Variants in GPR161 observed in about 807,000 individuals in gnomAD.
The protein encoded by GPR161 is G-protein coupled receptor RE2.
GPR161 carries 25 observed loss-of-function variants against 39.2 expected under a neutral mutation model. The ratio of observed to expected loss-of-function variants is 0.64; its 90% confidence interval spans 0.47 to 0.89. The LOEUF is 0.89. GPR161 is among the 40% of genes least tolerant of loss of function. GPR161 has a pLI of 0.00. For synonymous variants in GPR161, 286 were observed against 276.6 expected (o/e 1.03, Z -0.34); for missense variants, 547 against 677.8 (o/e 0.81, Z 2.14).
intron 1 of GPR161, among the ~76,000 whole-genome samples, chr1:168,110,395 C>T (rs1236258628): frequency 6.7e-6 from 1 of 150,258 alleles, no homozygotes; most frequent in Non-Finnish European, 1.5e-5. Flanking sequence ...ACTTGGGAGG[C>T]TGAGGTTGGA....
chr1:168,131,887 T>C (rs912602690), intron 1 of GPR161, among the ~76,000 whole-genome samples: 2 of 152,156 alleles, frequency 1.3e-5, no homozygotes, highest in African/African-American at 4.8e-5. Context: ...GTTAAAAAAA[T>C]TGGCAAAGAA....
In GPR161 at chr1:168,096,612, C is replaced by CGAACTGTCTTGTTCCA; in HGVS notation, c.979_994dup (p.Arg332LeufsTer83). ...AAAGCACATGCCCAGTAGTTCTTTGCGAACTGTCTTGTTCCAGAGTCCATA... is the reference window on the plus strand; with the variant it reads ...AAAGCACATGCCCAGTAGTTCTTTGCGAACTGTCTTGTTCCAGAACTGTCTTGTTCCAGAGTCCATA... On this transcript the variant is annotated frameshift_variant, in exon 3 of 6. Coordinates refer to ENST00000682931, the MANE Select transcript of GPR161 (RefSeq NM_001375883.1). LOFTEE classifies it high-confidence loss of function. 1 of 1,614,184 alleles carries CGAACTGTCTTGTTCCA rather than the reference C, an allele frequency of 6.2e-7. No individual in the cohort carries two copies. Among genetic ancestry groups the CGAACTGTCTTGTTCCA allele is most frequent in the South Asian group, 1.1e-5 (1 of 91,070 alleles).
At chr1:168,134,326 AC>A (rs1377845772) in intron 1 of GPR161, among the ~76,000 whole-genome samples, 1 of 152,204 alleles carries the variant, frequency 6.6e-6, no homozygotes, top group African/African-American at 2.4e-5. Context: ...CCTGCTGAGC[AC>A]ATAAAATGTG....
chr1:168,111,931 G>A (rs1317342922), intron 1 of GPR161, among the ~76,000 whole-genome samples: 2 of 148,134 alleles, frequency 1.4e-5, no homozygotes, highest in Admixed American at 1.4e-4. Flanking sequence ...CACCTATAGA[G>A]TAACAGTGAG....
chr1:168,107,210 TA>T (rs35396383), intron 1 of GPR161, among the ~76,000 whole-genome samples: 4 of 150,858 alleles, frequency 2.7e-5, no homozygotes, highest in South Asian at 2.1e-4. Flanking sequence ...AAGAACTAGT[TA>T]AAAAAAAATC....
intron 1 of GPR161, among the ~76,000 whole-genome samples, chr1:168,119,520 G>A (rs969236244): frequency 2.0e-5 from 3 of 151,916 alleles, no homozygotes; most frequent in Non-Finnish European, 4.4e-5. Flanking sequence ...AGAATGGGGA[G>A]TTATAGTTTA....
intron 1 of GPR161, among the ~76,000 whole-genome samples, chr1:168,119,241 T>C (rs568992834): frequency 0.025 from 3,014 of 122,520 alleles, 447 homozygotes; most frequent in African/African-American, 0.096. Context: ...TATATATATA[T>C]ACACATATAT....
rs1325193078 is a variant in GPR161 at position 168,081,211 on chromosome 1, T to G, written c.*4320A>C. ...AAATCTCATTTTGGCTCCCTTAGAC[T>G]TCTCAAGTTCCAGATGCTACTTAGC... On this transcript the variant is annotated 3_prime_UTR_variant, in exon 6 of 6. Transcript: ENST00000682931. The G allele has an allele frequency of 6.6e-6, 1 of 152,146 alleles. No homozygotes were observed. Among genetic ancestry groups the G allele is most frequent in the Non-Finnish European group, 1.5e-5 (1 of 68,052 alleles). The allele number at this position is 152,146 out of a possible 1,614,324, so 9.4% of individuals were successfully genotyped here. A position where few individuals can be genotyped will look rare whatever the true frequency, so the allele number is the denominator to read the frequency against.
At chr1:168,133,126 C>T (rs1157473300) in intron 1 of GPR161, among the ~76,000 whole-genome samples, 1 of 151,930 alleles carries the variant, frequency 6.6e-6, no homozygotes, top group African/African-American at 2.4e-5. Flanking sequence ...TAGTTATACC[C>T]AAAAAAGGAA....
intron 1 of GPR161, 142 bp from the exon 2 acceptor site, chr1:168,105,036 C>T: frequency 1.6e-6 from 1 of 622,480 alleles, no homozygotes; most frequent in Non-Finnish European, 2.8e-6. Context: ...GGGTCTTCCC[C>T]ACGTAAGCGC....
chr1:168,131,052 G>C (rs955891662), intron 1 of GPR161, among the ~76,000 whole-genome samples: 1 of 152,152 alleles, frequency 6.6e-6, no homozygotes, highest in Admixed American at 6.5e-5. Flanking sequence ...GAGATAGTGT[G>C]TGTAAAGCAG....
chr1:168,100,043 A>G (rs759965225), intron 2 of GPR161, among the ~76,000 whole-genome samples: 1 of 151,956 alleles, frequency 6.6e-6, no homozygotes, highest in Non-Finnish European at 1.5e-5. Flanking sequence ...TCTACAAAAA[A>G]TAAAAAACAA....
chr1:168,104,889 G>A lies in GPR161; in HGVS notation c.-39C>T, dbSNP rs777130779. 6.2e-6 allele frequency: 10 copies of A among 1,603,692 alleles called. No individual in the cohort carries two copies. The South Asian group carries it at 8.8e-5, about 14-fold the overall frequency. On this transcript the variant is annotated 5_prime_UTR_variant, in exon 2 of 6. Coordinates refer to ENST00000682931, the MANE Select transcript of GPR161 (RefSeq NM_001375883.1). Reference sequence around the variant, plus strand: ...CGGCGTGGGGTGGGCAGAGCATGCTGGACGACTGGAAAGATAAGGCAGGAC... The same window carrying A: ...CGGCGTGGGGTGGGCAGAGCATGCTAGACGACTGGAAAGATAAGGCAGGAC...
At chr1:168,089,381 C>G (rs1490536258) in intron 4 of GPR161, 1 of 152,120 alleles carries the variant, frequency 6.6e-6, no homozygotes, top group Non-Finnish European at 1.5e-5. Flanking sequence ...TCTGGGTTGC[C>G]AGATAAGGAA....
chr1:168,135,955 C>T (rs1035866284), intron 1 of GPR161: 23 of 924,952 alleles, frequency 2.5e-5, no homozygotes, highest in Admixed American at 9.2e-5. Flanking sequence ...CAATGCGCAG[C>T]TATGTGGTTA....
chr1:168,129,762 C>G (rs1391397457), intron 1 of GPR161, among the ~76,000 whole-genome samples: 1 of 152,220 alleles, frequency 6.6e-6, no homozygotes, highest in Non-Finnish European at 1.5e-5. Context: ...GACCTAATTA[C>G]TGACAAAGCA....
At chr1:168,096,152 AAAAAAAAAG>A (rs1181322015) in intron 3 of GPR161, among the ~76,000 whole-genome samples, 5 of 150,814 alleles carry the variant, frequency 3.3e-5, no homozygotes, top group Non-Finnish European at 7.4e-5. Flanking sequence ...AAAAAAAAAA[AAAAAAAAAG>A]AGAGAGAGAA....
chr1:168,126,348 A>G (rs1698586571), intron 1 of GPR161, among the ~76,000 whole-genome samples: 1 of 152,126 alleles, frequency 6.6e-6, no homozygotes, highest in Non-Finnish European at 1.5e-5. Flanking sequence ...TTTCCAGAAA[A>G]TGCTACCTTT....
chr1:168,136,326 T>C (rs1295356649), intron 1 of GPR161: 2 of 1,485,008 alleles, frequency 1.3e-6, no homozygotes, highest in African/African-American at 1.4e-5. Flanking sequence ...GAGCGGGACG[T>C]GGAGTCTCTT....
Sources: allele counts gnomAD v4.1 joint callset (sites outside exome capture counted in the v4.1 genomes callset), GRCh38; gene constraint gnomAD v4.1.1; transcripts MANE v1.5; gene names NCBI Gene and HGNC (gene_info 2026-07-23, HGNC 2026-07-21).